WASF2: variants seen among roughly 807,000 people sequenced by gnomAD.
The protein encoded by WASF2 is actin-binding protein WASF2.
Under a neutral mutation model 45.0 loss-of-function variants are expected in WASF2, and 14 were observed. The ratio of observed to expected loss-of-function variants is 0.31; its 90% CI spans 0.21 to 0.49. The LOEUF (loss-of-function observed/expected upper bound fraction) is 0.49, where lower values mean the gene tolerates loss of function less well. Among genes scored for constraint, WASF2 ranks in the 20% least tolerant of loss-of-function variants. WASF2 has a pLI of 0.99. For synonymous variants in WASF2, 200 were observed against 236.3 expected (o/e 0.85, Z 1.41); for missense variants, 439 against 636.1 (o/e 0.69, Z 3.33).
intron 1 of WASF2, among the ~76,000 whole-genome samples, chr1:27,477,847 C>T (rs1438973918): frequency 2.3e-5 from 2 of 85,842 alleles, no homozygotes; most frequent in Non-Finnish European, 4.2e-5. Flanking sequence ...TGCAGTGAGC[C>T]GAGATCCCGC....
rs115831884 is a variant in WASF2 at position 27,440,573 on chromosome 1, C to T, written c.-43-11640G>A. Among the ~76,000 whole-genome samples the T allele has an allele frequency of 2.9e-3, 446 of 151,296 alleles. 3 individuals are homozygous for T. The highest frequency in any genetic ancestry group is 0.01 in the African/African-American group (427 of 41,300). On this transcript the variant is annotated intron_variant, in intron 1 of 8. Transcript: ENST00000618852. ...GTGAGGAAAAAATGTATACCTGAGT[C>T]AATGAAATATAAACATATTATTTTA...
intron 1 of WASF2, among the ~76,000 whole-genome samples, chr1:27,450,604 G>A (rs571732990): frequency 5.3e-5 from 8 of 152,032 alleles, no homozygotes; most frequent in African/African-American, 2.4e-5. Flanking sequence ...GGGTTCAAGC[G>A]ATTCTTCTGC....
Position 27,406,254 on chromosome 1 carries a change from G to A in WASF2, c.*1935C>T, listed in dbSNP as rs991346391. ...ACAAGGTGGGGGCCCACATAGCCTG[G>A]TGTCTCAGCATGGAGCTTAGTGCCA... On this transcript the variant is annotated 3_prime_UTR_variant, in exon 9 of 9. Transcript: ENST00000618852. 3 of 152,550 alleles carry A rather than the reference G, an allele frequency of 2.0e-5. No individual in the cohort carries two copies. The highest frequency in any genetic ancestry group is 2.9e-5 in the Non-Finnish European group (2 of 68,112). The allele number at this position is 152,550 out of a possible 1,614,324, so 9.4% of individuals were successfully genotyped here. A position where few individuals can be genotyped will look rare whatever the true frequency, so the allele number is the denominator to read the frequency against.
rs532707524 is a variant in WASF2 at position 27,457,809 on chromosome 1, A to T, written c.-43-28876T>A. On this transcript the variant is annotated intron_variant, in intron 1 of 8. Coordinates refer to ENST00000618852, the MANE Select transcript of WASF2 (RefSeq NM_006990.5). ...CTAATTTTTAAAAATTTTTGTAGAA[A>T]TTAGGTATCACTATTTTGCCCAGGC... is the stretch of plus-strand genomic sequence containing the variant. 6.6e-5 allele frequency among the ~76,000 whole-genome samples: 10 copies of T among 152,036 alleles called. No individual in the cohort carries two copies. In the South Asian group the frequency reaches 2.1e-3, roughly 32 times the overall value.
Position 27,440,272 on chromosome 1 carries a change from C to T in WASF2, c.-43-11339G>A, listed in dbSNP as rs565554944. Among the ~76,000 whole-genome samples, 3 of 152,188 alleles carry T rather than the reference C, an allele frequency of 2.0e-5. No individual in the cohort carries two copies. The South Asian group carries it at 6.2e-4, about 32-fold the overall frequency. The stretch of plus-strand genomic sequence containing the variant: ...GGTATGGTGGCTCATGCCTATAATC[C>T]CAGCACCTTGGGAGGCCAAGGAGAG... On this transcript the variant is annotated intron_variant, in intron 1 of 8. Coordinates refer to ENST00000618852, the MANE Select transcript of WASF2 (RefSeq NM_006990.5).
chr1:27,475,358 T>A (rs990270079), intron 1 of WASF2, among the ~76,000 whole-genome samples: 6 of 152,216 alleles, frequency 3.9e-5, no homozygotes, highest in Non-Finnish European at 7.4e-5. Context: ...CACTAATACA[T>A]AGCCATGGTA....
chr1:27,428,714 C>A, intron 2 of WASF2, 47 bp downstream of exon 2: 1 of 1,613,720 alleles, frequency 6.2e-7, no homozygotes, highest in South Asian at 1.1e-5. Context: ...AAATAAAGAG[C>A]ACCAACGACC....
chr1:27,405,286 C>G lies in WASF2; in HGVS notation c.*2903G>C, dbSNP rs1444373447. Reference sequence around the variant, plus strand: ...GGCTGGCTGAGCCTGCCCCCTCCCCCAGGCTGCTCCTTTGGAATGTACCCA... The same window carrying G: ...GGCTGGCTGAGCCTGCCCCCTCCCCGAGGCTGCTCCTTTGGAATGTACCCA... On this transcript the variant is annotated 3_prime_UTR_variant, in exon 9 of 9. Coordinates refer to ENST00000618852, the MANE Select transcript of WASF2 (RefSeq NM_006990.5). 1.3e-5 allele frequency: 2 copies of G among 152,292 alleles called. No individual in the cohort carries two copies. The highest frequency in any genetic ancestry group is 1.9e-4 in the East Asian group (1 of 5,190). 9.4% of individuals were successfully genotyped at this position (152,292 alleles called of 1,614,324 possible).
chr1:27,471,825 C>T (rs969900079), intron 1 of WASF2, among the ~76,000 whole-genome samples: 1 of 152,144 alleles, frequency 6.6e-6, no homozygotes, highest in Non-Finnish European at 1.5e-5. Flanking sequence ...TCTTCCTTGA[C>T]CCACAAATTC....
chr1:27,423,712 T>C (rs2016938767), intron 2 of WASF2, among the ~76,000 whole-genome samples: 1 of 152,202 alleles, frequency 6.6e-6, no homozygotes, highest in South Asian at 2.1e-4. Flanking sequence ...AGATACCACA[T>C]TTTGCAAAAG....
chr1:27,450,097 T>A (rs1052779632), intron 1 of WASF2, among the ~76,000 whole-genome samples: 2 of 151,498 alleles, frequency 1.3e-5, no homozygotes, highest in African/African-American at 4.9e-5. Flanking sequence ...TGAGTGGAGA[T>A]CACGCCATTG....
At chr1:27,450,119 G>A (rs1358540061) in intron 1 of WASF2, among the ~76,000 whole-genome samples, 5 of 151,928 alleles carry the variant, frequency 3.3e-5, no homozygotes, top group East Asian at 3.9e-4. Context: ...ACTCCAGCCC[G>A]GGCAACAGAG....
At chr1:27,462,689 A>G (rs1395995155) in intron 1 of WASF2, among the ~76,000 whole-genome samples, 35 of 152,306 alleles carry the variant, frequency 2.3e-4, no homozygotes, top group East Asian at 1.9e-4. Flanking sequence ...ACCTCTCTGT[A>G]TATCAGTTTC....
At position 27,428,950 on chromosome 1, in the gene WASF2, A is replaced by G; in HGVS notation, c.-43-17T>C. The stretch of plus-strand genomic sequence containing the variant: ...AAAAACAACCTAAAAAAGAAATAAC[A>G]GGAAAGTATTACTCAACCACAAATT... On this transcript the variant is annotated splice_polypyrimidine_tract_variant and intron_variant, in intron 1 of 8. Transcript: ENST00000618852. 1 of 1,587,856 alleles carries G rather than the reference A, an allele frequency of 6.3e-7. No individual in the cohort carries two copies. The highest frequency in any genetic ancestry group is 1.7e-5 in the Admixed American group (1 of 59,126).
At chr1:27,452,517 TAAATA>T (rs1298994749) in intron 1 of WASF2, among the ~76,000 whole-genome samples, 4 of 144,086 alleles carry the variant, frequency 2.8e-5, no homozygotes, top group African/African-American at 1.0e-4. Context: ...CTAAAATAAA[TAAATA>T]AATGAATAAA....
intron 1 of WASF2, among the ~76,000 whole-genome samples, chr1:27,430,048 A>C (rs538428506): frequency 6.6e-6 from 1 of 152,166 alleles, no homozygotes; most frequent in Non-Finnish European, 1.5e-5. Context: ...CCTTCCAGTT[A>C]CTGTTTCTTA....
chr1:27,471,484 T>C (rs938136642), intron 1 of WASF2, among the ~76,000 whole-genome samples: 1 of 151,766 alleles, frequency 6.6e-6, no homozygotes, highest in Non-Finnish European at 1.5e-5. Context: ...TAAAATTAGC[T>C]GGGCATGGTG....
chr1:27,481,174 C>T (rs903137665), intron 1 of WASF2, among the ~76,000 whole-genome samples: 27 of 149,164 alleles, frequency 1.8e-4, no homozygotes, highest in African/African-American at 4.9e-4. Flanking sequence ...CGTGGTGGCA[C>T]GCGCCTGTAG....
intron 1 of WASF2, among the ~76,000 whole-genome samples, chr1:27,477,972 C>T (rs2017792231): frequency 6.6e-6 from 1 of 150,696 alleles, no homozygotes; most frequent in South Asian, 2.1e-4. Flanking sequence ...GGGAGGCAGG[C>T]CGGGTGTAGT....
Sources: gnomAD v4.1 joint callset for allele counts (sites outside exome capture counted in the v4.1 genomes callset) on GRCh38, gnomAD v4.1.1 for gene constraint, MANE v1.5 for transcripts, NCBI Gene and HGNC (gene_info 2026-07-23, HGNC 2026-07-21) for gene names.